The following NKAIN2 variants were observed in gnomAD, a reference collection of about 807,000 sequenced individuals.
The protein encoded by NKAIN2 is sodium/potassium transporting ATPase interacting 2.
A neutral mutation model predicts 32.6 loss-of-function variants in NKAIN2; 14 were observed. The observed-to-expected ratio is 0.43, with a 90% CI of 0.28 to 0.67. The LOEUF (loss-of-function observed/expected upper bound fraction) is 0.67. Ranked by LOEUF, NKAIN2 falls within the 30% of genes least tolerant of loss-of-function variation. The probability of loss-of-function intolerance (pLI) is 0.17; values close to 1 mark genes in which losing one functional copy is unlikely to be tolerated. For synonymous variants in NKAIN2, 80 were observed against 87.2 expected (o/e 0.92, Z 0.46); for missense variants, 198 against 258.3 (o/e 0.77, Z 1.60).
chr6:123,970,230 A>G (rs945221488), intron 1 of NKAIN2, among the ~76,000 whole-genome samples: 1 of 152,298 alleles, frequency 6.6e-6, no homozygotes, highest in Non-Finnish European at 1.5e-5. Flanking sequence ...GAACAAAAGG[A>G]ACTTCATTTT....
intron 1 of NKAIN2, among the ~76,000 whole-genome samples, chr6:124,013,931 A>G (rs1013529308): frequency 1.3e-5 from 2 of 152,204 alleles, no homozygotes; most frequent in African/African-American, 2.4e-5. Context: ...GAATCTCCAG[A>G]AAGGAATGCA....
At chr6:123,837,320 C>T (rs1331603931) in intron 1 of NKAIN2, among the ~76,000 whole-genome samples, 1 of 151,876 alleles carries the variant, frequency 6.6e-6, no homozygotes, top group African/African-American at 2.4e-5. Context: ...CAATTATTGT[C>T]TTCCAGCTCC....
chr6:124,185,900 C>T (rs1349619414), intron 1 of NKAIN2, among the ~76,000 whole-genome samples: 1 of 151,876 alleles, frequency 6.6e-6, no homozygotes, highest in African/African-American at 2.4e-5. Context: ...AACATTTCCC[C>T]TTTGAATATA....
At position 124,173,993 on chromosome 6, in the gene NKAIN2, A is replaced by G. The variant is rs557602231; in HGVS notation, c.55-109012A>G. On this transcript the variant is annotated intron_variant, in intron 1 of 6. Transcript: ENST00000368417. ...TGTTTACATTCATGTATAGCATGCAATAGGGATTTTGTTTATCTGGCCATT... is the reference window on the plus strand; with the variant it reads ...TGTTTACATTCATGTATAGCATGCAGTAGGGATTTTGTTTATCTGGCCATT... Among the ~76,000 whole-genome samples, 5 of 152,220 alleles carry G rather than the reference A, an allele frequency of 3.3e-5. No homozygotes were observed. In the East Asian group the frequency reaches 7.7e-4, roughly 24 times the overall value.
At chr6:123,852,837 A>G (rs1775406880) in intron 1 of NKAIN2, among the ~76,000 whole-genome samples, 1 of 152,318 alleles carries the variant, frequency 6.6e-6, no homozygotes, top group South Asian at 2.1e-4. Flanking sequence ...ACACATTGCC[A>G]CAGAAAATCC....
chr6:123,907,501 A>G (rs1774943277), intron 1 of NKAIN2, among the ~76,000 whole-genome samples: 1 of 152,296 alleles, frequency 6.6e-6, no homozygotes, highest in East Asian at 1.9e-4. Context: ...TTCCCAGATT[A>G]TTATGTAAAT....
intron 1 of NKAIN2, among the ~76,000 whole-genome samples, chr6:124,153,172 G>T (rs1035587095): frequency 1.3e-5 from 2 of 151,724 alleles, no homozygotes; most frequent in Non-Finnish European, 3.0e-5. Flanking sequence ...CACCAAAAAA[G>T]ATAAATGTTG....
At chr6:124,082,317 T>C (rs1337568577) in intron 1 of NKAIN2, among the ~76,000 whole-genome samples, 1 of 152,156 alleles carries the variant, frequency 6.6e-6, no homozygotes, top group Non-Finnish European at 1.5e-5. Flanking sequence ...CTTAATGCTA[T>C]AGGCTCTTAA....
chr6:124,356,345 T>G (rs1284079698), intron 3 of NKAIN2, among the ~76,000 whole-genome samples: 1 of 152,214 alleles, frequency 6.6e-6, no homozygotes, highest in African/African-American at 2.4e-5. Flanking sequence ...CACAAAGCAC[T>G]CATCATGTGA....
At chr6:124,229,419 G>GA (rs1344134687) in intron 1 of NKAIN2, among the ~76,000 whole-genome samples, 1 of 151,816 alleles carries the variant, frequency 6.6e-6, no homozygotes, top group Non-Finnish European at 1.5e-5. Context: ...CTCATAATGT[G>GA]AAAAAACATA....
chr6:124,635,144 T>G (rs937543234), intron 3 of NKAIN2, among the ~76,000 whole-genome samples: 5 of 151,992 alleles, frequency 3.3e-5, no homozygotes, highest in Non-Finnish European at 4.4e-5. Flanking sequence ...AGCATGGCTA[T>G]TCTTCAGAAT....
chr6:124,397,527 G>C, intron 3 of NKAIN2, among the ~76,000 whole-genome samples: 1 of 145,030 alleles, frequency 6.9e-6, no homozygotes, highest in East Asian at 2.0e-4. Flanking sequence ...GTCACAGAGA[G>C]TTTTTTTTTT....
At chr6:124,728,794 A>C (rs1292714062) in intron 4 of NKAIN2, among the ~76,000 whole-genome samples, 1 of 152,076 alleles carries the variant, frequency 6.6e-6, no homozygotes, top group Admixed American at 6.6e-5. Context: ...GGATTAACAA[A>C]ATTGATAGAC....
chr6:124,406,082 T>A (rs1188105544), intron 3 of NKAIN2, among the ~76,000 whole-genome samples: 1 of 151,618 alleles, frequency 6.6e-6, no homozygotes, highest in Non-Finnish European at 1.5e-5. Context: ...GAGGCATAAT[T>A]AACATACAAT....
intron 4 of NKAIN2, among the ~76,000 whole-genome samples, chr6:124,785,844 C>A (rs969207986): frequency 1.3e-5 from 2 of 152,124 alleles, no homozygotes; most frequent in Non-Finnish European, 2.9e-5. Context: ...ACTGACATCA[C>A]CCCAGTGGGG....
At chr6:123,902,752 C>G (rs1353341094) in intron 1 of NKAIN2, among the ~76,000 whole-genome samples, 1 of 152,160 alleles carries the variant, frequency 6.6e-6, no homozygotes, top group Non-Finnish European at 1.5e-5. Flanking sequence ...CAGTGGTATT[C>G]AGGAAACAGC....
intron 1 of NKAIN2, among the ~76,000 whole-genome samples, chr6:124,169,605 C>T (rs1788744996): frequency 6.6e-6 from 1 of 152,138 alleles, no homozygotes; most frequent in Admixed American, 6.6e-5. Context: ...CACCAAGCAA[C>T]CAGGCTTAAA....
intron 1 of NKAIN2, among the ~76,000 whole-genome samples, chr6:124,231,542 G>A (rs1792462282): frequency 6.6e-6 from 1 of 152,130 alleles, no homozygotes; most frequent in African/African-American, 2.4e-5. Flanking sequence ...TCATGGGAGG[G>A]ACTTGGTAGG....
intron 4 of NKAIN2, among the ~76,000 whole-genome samples, chr6:124,717,018 T>G (rs1486627039): frequency 6.6e-6 from 1 of 152,206 alleles, no homozygotes; most frequent in Non-Finnish European, 1.5e-5. Context: ...GTGTAGGTGT[T>G]TGTAAGCAAA....
Sources: allele counts gnomAD v4.1 joint callset (sites outside exome capture counted in the v4.1 genomes callset), GRCh38; gene constraint gnomAD v4.1.1; transcripts MANE v1.5; gene names NCBI Gene and HGNC (gene_info 2026-07-23, HGNC 2026-07-21).